The following CHD8 variants were observed in gnomAD, a reference collection of about 807,000 sequenced individuals.
CHD8 encodes the protein chromodomain helicase DNA binding protein 8.
A neutral mutation model predicts 279.2 loss-of-function variants in CHD8; 31 were observed. The ratio of observed to expected loss-of-function variants is 0.11; its 90% CI spans 0.08 to 0.15. CHD8 has a LOEUF of 0.15. CHD8 is among the 10% of genes least tolerant of loss of function. CHD8 has a pLI of 1.00. For missense variants in CHD8, 2,146 were observed against 3,230.5 expected (o/e 0.66, Z 8.14); for synonymous variants, 1,081 against 1,139.6 (o/e 0.95, Z 1.04).
chr14:21,414,281 C>T lies in CHD8; in HGVS notation c.2142+20G>A, dbSNP rs1472912166. ...GTGCTTCTGTGAAAGAAATGACAGG[C>T]AATACCTATTCCTAATTACCTCATG... On this transcript the variant is annotated intron_variant, in intron 9 of 37. Transcript: ENST00000646647. The T allele has an allele frequency of 8.6e-7, 1 of 1,162,164 alleles. No homozygotes were observed. The highest frequency in any genetic ancestry group is 1.3e-6 in the Non-Finnish European group (1 of 789,318). The allele number at this position is 1,162,164 out of a possible 1,614,324, so 72.0% of individuals were successfully genotyped here. A position where few individuals can be genotyped will look rare whatever the true frequency, so the allele number is the denominator to read the frequency against.
rs1183712823 is a variant in CHD8, at chr14:21,431,217, C to G, written c.427G>C (p.Val143Leu). The change falls in exon 2 of 38, where the codon GTC (valine) becomes CTC (leucine). Residue 143 changes from valine (V) to leucine (L), a missense_variant. Val to Leu is a conservative substitution (Grantham distance 32). This residue lies in a region of CHD8 where 302 missense variants were observed against 325.5 expected (regional missense o/e 0.93). Coordinates refer to ENST00000646647, the MANE Select transcript of CHD8 (RefSeq NM_001170629.2). ...TGCCCTCCAGCACTACTGGAGGAGA[C>G]AGCTGTGGCAGAGACACCCATGAAA... The part of the protein sequence containing the change: ...NPFMGVSATA[V>L]SSSSAGGQPP... 1.9e-6 allele frequency: 3 copies of G among 1,599,022 alleles called. No homozygotes were observed. The highest frequency in any genetic ancestry group is 2.5e-6 in the Non-Finnish European group (3 of 1,179,622).
chr14:21,443,195 T>C (rs1283542704), intron 1 of CHD8, among the ~76,000 whole-genome samples: 5 of 151,726 alleles, frequency 3.3e-5, no homozygotes, highest in Non-Finnish European at 7.4e-5. Flanking sequence ...ATTGAGACCA[T>C]CCTGGCTAAC....
chr14:21,392,710 T>A lies in CHD8; in HGVS notation c.6568A>T (p.Ile2190Phe). The A allele has an allele frequency of 6.2e-7, 1 of 1,613,994 alleles. No homozygotes were observed. Among genetic ancestry groups the A allele is most frequent in the Non-Finnish European group, 8.5e-7 (1 of 1,179,896 alleles). The change falls in exon 34 of 38, where the codon ATT (isoleucine) becomes TTT (phenylalanine). Residue 2190 changes from isoleucine (I) to phenylalanine (F), a missense_variant. Physicochemically the swap from Ile to Phe is conservative, Grantham distance 21. This residue lies in a region of CHD8 where 513 missense variants were observed against 637.6 expected (regional missense o/e 0.80). Coordinates refer to ENST00000646647, the MANE Select transcript of CHD8 (RefSeq NM_001170629.2). ...RRSQEMVTGG[I>F]LGPGNHLLDS... ...AGCAAGTGGTTGCCTGGCCCCAAAA[T>A]TCCTCCTGTTACCATTTCCTGGCTC...
chr14:21,386,043 C>A lies in CHD8; in HGVS notation c.7316G>T (p.Gly2439Val). ...GAACGTGTTATGCAGAGATAGAGAC[C>A]CAGTGCTTCCACCCTGCATGAGGGC... is the stretch of plus-strand genomic sequence containing the variant. ...MMALMQGGSTGSLSLHNTFQH... is the reference protein window; with the variant it reads ...MMALMQGGSTVSLSLHNTFQH... Residue 2439 changes from glycine (G) to valine (V), a missense_variant, in exon 38 of 38, where the codon GGG (glycine) becomes GTG (valine). Gly to Val is a moderately radical substitution (Grantham distance 109). Around this residue, in one of 26 missense-constraint regions of CHD8, gnomAD observed 336 missense variants for 392.9 expected, o/e 0.86. Coordinates refer to ENST00000646647, the MANE Select transcript of CHD8 (RefSeq NM_001170629.2). The A allele has an allele frequency of 6.3e-7, 1 of 1,594,836 alleles. No individual in the cohort carries two copies.
intron 8 of CHD8, 82 bp downstream of exon 8, chr14:21,414,856 C>T (rs1334344711): frequency 2.0e-6 from 2 of 1,000,732 alleles, no homozygotes; most frequent in Admixed American, 2.2e-5. Context: ...AAAAGGGACA[C>T]ATTCCCACCC....
chr14:21,401,197 C>CA (rs1194023338), intron 21 of CHD8, 126 bp from the exon 22 acceptor site: 2 of 899,926 alleles, frequency 2.2e-6, no homozygotes, highest in East Asian at 5.6e-5. Flanking sequence ...TTTTAAATGA[C>CA]ATGTAAAATA....
At position 21,415,840 on chromosome 14, in the gene CHD8, T is replaced by C; in HGVS notation, c.1784A>G (p.Asp595Gly). The C allele has an allele frequency of 6.2e-7, 1 of 1,614,050 alleles. No individual in the cohort carries two copies. The highest frequency in any genetic ancestry group is 8.5e-7 in the Non-Finnish European group (1 of 1,179,896). ...YTEDLDIKIT[D>G]DEEEEEVDVT... ...ATCCACCTCTTCTTCTTCTTCATCA[T>C]CTGTGATCTTTATATCCAGGTCCTC... The change falls in exon 6 of 38, where the codon GAT becomes GGT. Residue 595 changes from aspartate to glycine, a missense_variant. Asp to Gly is a moderately conservative substitution (Grantham distance 94). Coordinates refer to ENST00000646647, the MANE Select transcript of CHD8 (RefSeq NM_001170629.2).
intron 1 of CHD8, among the ~76,000 whole-genome samples, chr14:21,432,737 A>C (rs2139543447): frequency 6.6e-6 from 1 of 152,350 alleles, no homozygotes; most frequent in Non-Finnish European, 1.5e-5. Flanking sequence ...TACTCCATTA[A>C]GTGAGCCCTG....
At position 21,403,301 on chromosome 14, in the gene CHD8, T is replaced by C; in HGVS notation, c.3519-89A>G. On this transcript the variant is annotated intron_variant, in intron 17 of 37. Transcript: ENST00000646647. The surrounding 1 kb of genome is among the most constrained non-coding windows in gnomAD (Gnocchi z 4.3). The stretch of plus-strand genomic sequence containing the variant: ...GCTAGGATCAATACCAGTACTCCCA[T>C]ATCAAAGCTGGTCAAAAACCCAAGT... The C allele has an allele frequency of 7.3e-7, 1 of 1,368,218 alleles. No homozygotes were observed. Among genetic ancestry groups the C allele is most frequent in the Non-Finnish European group, 1.0e-6 (1 of 994,556 alleles). 84.8% of individuals were successfully genotyped at this position (1,368,218 alleles called of 1,614,324 possible). A position where few individuals can be genotyped will look rare whatever the true frequency, so the allele number is the denominator to read the frequency against.
chr14:21,385,466 G>A lies in CHD8; in HGVS notation c.*147C>T, dbSNP rs1322331963. ...TCCTCTCATAATTGGGAGCAATCAG[G>A]TACATTTTTTTTTTTTTTTCCTTTT... On this transcript the variant is annotated 3_prime_UTR_variant, in exon 38 of 38. Coordinates refer to ENST00000646647, the MANE Select transcript of CHD8 (RefSeq NM_001170629.2). The A allele has an allele frequency of 8.4e-7, 1 of 1,184,724 alleles. No individual in the cohort carries two copies. Among genetic ancestry groups the A allele is most frequent in the Non-Finnish European group, 1.1e-6 (1 of 875,820 alleles). 73.4% of individuals were successfully genotyped at this position (1,184,724 alleles called of 1,614,324 possible).
At chr14:21,453,854 T>C (rs1196359344) in intron 1 of CHD8, among the ~76,000 whole-genome samples, 1 of 151,780 alleles carries the variant, frequency 6.6e-6, no homozygotes, top group Non-Finnish European at 1.5e-5. Flanking sequence ...CACCCACAAC[T>C]TAATCTTAAG....
rs867726415 is a variant in CHD8, at chr14:21,452,940, A to G, written c.-216+3092T>C. Reference sequence around the variant, plus strand: ...AGAGCTTTCAGTGAGCAAAGATCGCACCACTGCATTCCTGCCTGGGTGACA... The same window carrying G: ...AGAGCTTTCAGTGAGCAAAGATCGCGCCACTGCATTCCTGCCTGGGTGACA... On this transcript the variant is annotated intron_variant, in intron 1 of 37. Coordinates refer to ENST00000646647, the MANE Select transcript of CHD8 (RefSeq NM_001170629.2). Among the ~76,000 whole-genome samples, 12 of 150,818 alleles carry G rather than the reference A, an allele frequency of 8.0e-5. 1 individual carries two copies. The South Asian group carries it at 1.9e-3, about 24-fold the overall frequency.
rs985267367 is a variant in CHD8, at chr14:21,400,652, T to G, written c.4371-40A>C. The G allele has an allele frequency of 6.7e-7, 1 of 1,503,030 alleles. No individual in the cohort carries two copies. Among genetic ancestry groups the G allele is most frequent in the African/African-American group, 1.4e-5 (1 of 71,228 alleles). 93.1% of individuals were successfully genotyped at this position (1,503,030 alleles called of 1,614,324 possible). A position where few individuals can be genotyped will look rare whatever the true frequency, so the allele number is the denominator to read the frequency against. Reference sequence around the variant, plus strand: ...ACTATATTAACATTTTTCTGAGAAATGACAGTCCCCTGTCCCTCAGAATCA... The same window carrying G: ...ACTATATTAACATTTTTCTGAGAAAGGACAGTCCCCTGTCCCTCAGAATCA... On this transcript the variant is annotated intron_variant, in intron 22 of 37. Transcript: ENST00000646647. This position sits in a 1 kb window ranked among gnomAD's most constrained non-coding sequence, Gnocchi z 4.2.
Position 21,426,218 on chromosome 14 carries a change from CT to C in CHD8, c.1625del (p.Lys542ArgfsTer50). On this transcript the variant is annotated frameshift_variant, in exon 5 of 38. Transcript: ENST00000646647. LOFTEE classifies it high-confidence loss of function. ...KLNTITPVVG[K>X]KRKRNTSSDN... ...CAGATGAGGTATTACGTTTTCTCTT[CT>C]TACCCACTACAGGAGTGATGGTGCT... 6.2e-7 allele frequency: 1 copy of C among 1,606,666 alleles called. No homozygotes were observed. The highest frequency in any genetic ancestry group is 8.5e-7 in the Non-Finnish European group (1 of 1,173,870).
chr14:21,424,889 G>T (rs1007205434), intron 5 of CHD8, among the ~76,000 whole-genome samples: 1 of 152,154 alleles, frequency 6.6e-6, no homozygotes, highest in East Asian at 1.9e-4. Context: ...AAACACTTAA[G>T]GTTCATTTAG....
chr14:21,403,338 A>G lies in CHD8; in HGVS notation c.3518+115T>C, dbSNP rs1888114226. The stretch of plus-strand genomic sequence containing the variant: ...TCAAAAACCCAAGTTGAGAGTGAGA[A>G]TCTTAAAAACTTCTCTTATTGCAAT... On this transcript the variant is annotated intron_variant, in intron 17 of 37. Transcript: ENST00000646647. The surrounding 1 kb of genome is among the most constrained non-coding windows in gnomAD (Gnocchi z 4.3). 1.6e-6 allele frequency: 2 copies of G among 1,269,656 alleles called. No individual in the cohort carries two copies. The allele number at this position is 1,269,656 out of a possible 1,614,324, so 78.6% of individuals were successfully genotyped here. A position where few individuals can be genotyped will look rare whatever the true frequency, so the allele number is the denominator to read the frequency against.
chr14:21,441,565 G>A (rs564392049), intron 1 of CHD8, among the ~76,000 whole-genome samples: 1 of 152,282 alleles, frequency 6.6e-6, no homozygotes, highest in East Asian at 1.9e-4. Flanking sequence ...AGTTCAGAGG[G>A]AAAGATGAAT....
chr14:21,434,351 A>C (rs1199346006), intron 1 of CHD8, among the ~76,000 whole-genome samples: 2 of 152,160 alleles, frequency 1.3e-5, no homozygotes, highest in Non-Finnish European at 1.5e-5. Context: ...GAAAGTTTCT[A>C]CTAACCAGAA....
At chr14:21,455,160 C>CA (rs1231735225) in intron 1 of CHD8, 7 of 152,200 alleles carry the variant, frequency 4.6e-5, no homozygotes. Flanking sequence ...TAGAAAAAGA[C>CA]AGAGTTCTAA....
Sources: allele counts gnomAD v4.1 joint callset (sites outside exome capture counted in the v4.1 genomes callset), GRCh38; gene constraint gnomAD v4.1.1; regional missense constraint gnomAD v4.1.1; non-coding constraint Gnocchi (gnomAD v3.1); transcripts MANE v1.5; gene names NCBI Gene and HGNC (gene_info 2026-07-23, HGNC 2026-07-21).